Variants in PCDHGB2 observed in about 807,000 individuals in gnomAD.
PCDHGB2 encodes protocadherin gamma subfamily B, 2, also known as protocadherin gamma-B2.
In PCDHGB2, 55 loss-of-function variants were observed where a neutral mutation model predicts 59.3. The observed-to-expected ratio is 0.93, with a 90% confidence interval of 0.75 to 1.16. PCDHGB2 has a LOEUF of 1.16. PCDHGB2 is among the 50% of genes most tolerant of loss of function. The pLI is 0.00. For missense variants in PCDHGB2, 1,228 were observed against 1,198.5 expected, an observed-to-expected ratio of 1.02 and a Z score of -0.36; for synonymous variants, 516 against 512.0, an observed-to-expected ratio of 1.01 and a Z score of -0.11.
At position 141,432,816 on chromosome 5, in the gene PCDHGB2, C is replaced by A. The variant is rs778545682; in HGVS notation, c.2422-61991C>A. Reference sequence around the variant, plus strand: ...CTCGAGTCTCCAGCTAACTCTGAAACCTCAGACCTCACTCTGTACCTGGTG... The same window carrying A: ...CTCGAGTCTCCAGCTAACTCTGAAAACTCAGACCTCACTCTGTACCTGGTG... On this transcript the variant is annotated intron_variant, in intron 1 of 3. Transcript: ENST00000522605. The surrounding 1 kb of genome is among the most constrained non-coding windows in gnomAD (Gnocchi z 6.0). The A allele has an allele frequency of 7.6e-5, 122 of 1,614,044 alleles. No individual in the cohort carries two copies. The highest frequency in any genetic ancestry group is 3.3e-5 in the Admixed American group (2 of 60,012).
chr5:141,388,871 C>T, intron 1 of PCDHGB2: 2 of 1,613,930 alleles, frequency 1.2e-6, no homozygotes, highest in Non-Finnish European at 8.5e-7. Flanking sequence ...TTGCGCAATG[C>T]ACAGTGGAGG....
intron 1 of PCDHGB2, chr5:141,399,680 A>T: frequency 6.2e-7 from 1 of 1,613,514 alleles, no homozygotes; most frequent in Non-Finnish European, 8.5e-7. Context: ...GCCTTTGACT[A>T]CGAGCAGCTG....
chr5:141,453,288 A>ATTAT (rs577328880), intron 1 of PCDHGB2, among the ~76,000 whole-genome samples: 1,792 of 151,444 alleles, frequency 0.012, 41 homozygotes, highest in African/African-American at 0.034. Context: ...TAATTTTTTA[A>ATTAT]TTATTTATTT....
chr5:141,494,613 G>A (rs2099755672), intron 1 of PCDHGB2, among the ~76,000 whole-genome samples, 194 bp from the exon 2 acceptor site: 1 of 152,136 alleles, frequency 6.6e-6, no homozygotes, highest in Non-Finnish European at 1.5e-5. Context: ...TTATCTCTTG[G>A]TTTCTGGTAC....
Position 141,421,726 on chromosome 5 carries a change from T to G in PCDHGB2, c.2421+59170T>G. On this transcript the variant is annotated intron_variant, in intron 1 of 3. Transcript: ENST00000522605. The stretch of plus-strand genomic sequence containing the variant: ...TAGGGATCCAGATGTGGGCGTGAAC[T>G]CCCTCCAGAGCTACCAGCTCAGCCC... 1 of 1,613,928 alleles carries G rather than the reference T, an allele frequency of 6.2e-7. No homozygotes were observed. Among genetic ancestry groups the G allele is most frequent in the Non-Finnish European group, 8.5e-7 (1 of 1,179,852 alleles).
chr5:141,372,625 G>A (rs1768925620), intron 1 of PCDHGB2: 8 of 1,614,000 alleles, frequency 5.0e-6, no homozygotes, highest in Non-Finnish European at 6.8e-6. Flanking sequence ...CCCACCTACA[G>A]CGAAAGGACT....
Position 141,477,704 on chromosome 5 carries a change from C to T in PCDHGB2, c.2422-17103C>T, listed in dbSNP as rs772195653. 30 of 1,613,968 alleles carry T rather than the reference C, an allele frequency of 1.9e-5. No homozygotes were observed. Among genetic ancestry groups the T allele is most frequent in the Admixed American group, 6.7e-5 (4 of 60,026 alleles). On this transcript the variant is annotated intron_variant, in intron 1 of 3. Transcript: ENST00000522605. This position sits in a 1 kb window ranked among gnomAD's most constrained non-coding sequence, Gnocchi z 4.9. Reference sequence around the variant, plus strand: ...CTTAGTGCCCCTAGACTATGAGGATCGGCGGGAATTTGAATTAACAGCTCA... The same window carrying T: ...CTTAGTGCCCCTAGACTATGAGGATTGGCGGGAATTTGAATTAACAGCTCA...
In PCDHGB2 at chr5:141,477,013, T is replaced by A. The variant is rs1285961519; in HGVS notation, c.2422-17794T>A. On this transcript the variant is annotated intron_variant, in intron 1 of 3. Coordinates refer to ENST00000522605, the MANE Select transcript of PCDHGB2 (RefSeq NM_018923.3). This position sits in a 1 kb window ranked among gnomAD's most constrained non-coding sequence, Gnocchi z 4.9. ...TGCGGCAACTATTCGCCTTAGACCT[T>A]GTAACCGGGATGCTGACAATCAAGG... is the stretch of plus-strand genomic sequence containing the variant. 6.2e-7 allele frequency: 1 copy of A among 1,614,204 alleles called. No individual in the cohort carries two copies. The highest frequency in any genetic ancestry group is 2.2e-5 in the East Asian group (1 of 44,878).
intron 3 of PCDHGB2, among the ~76,000 whole-genome samples, chr5:141,506,700 G>GT (rs1446452157): frequency 2.0e-5 from 3 of 152,138 alleles, no homozygotes; most frequent in Admixed American, 1.3e-4. Context: ...ACCCAAACCC[G>GT]TTTTTTACTG....
intron 1 of PCDHGB2, chr5:141,374,262 C>T (rs369097101): frequency 6.2e-7 from 1 of 1,613,942 alleles, no homozygotes; most frequent in Non-Finnish European, 8.5e-7. Flanking sequence ...CAGGAGTTGG[C>T]GGAGCACGGA....
chr5:141,489,222 A>C lies in PCDHGB2; in HGVS notation c.2422-5585A>C. On this transcript the variant is annotated intron_variant, in intron 1 of 3. Coordinates refer to ENST00000522605, the MANE Select transcript of PCDHGB2 (RefSeq NM_018923.3). The surrounding 1 kb of genome is among the most constrained non-coding windows in gnomAD (Gnocchi z 4.5). ...ACAGGACAGCACAGACTTACTCTCC[A>C]CAAAGGGACTTCTGGGTCATGGGGC... 6.6e-7 allele frequency: 1 copy of C among 1,515,652 alleles called. No individual in the cohort carries two copies. Among genetic ancestry groups the C allele is most frequent in the Middle Eastern group, 1.8e-4 (1 of 5,598 alleles). 93.9% of individuals were successfully genotyped at this position (1,515,652 alleles called of 1,614,324 possible).
chr5:141,425,371 G>T (rs1396857898), intron 1 of PCDHGB2, among the ~76,000 whole-genome samples: 3 of 152,186 alleles, frequency 2.0e-5, no homozygotes, highest in African/African-American at 7.2e-5. Context: ...AGAGGGTTAT[G>T]TTGATTCGGA....
At chr5:141,375,629 G>T (rs567513392) in intron 1 of PCDHGB2, 4 of 1,614,074 alleles carry the variant, frequency 2.5e-6, no homozygotes, top group African/African-American at 1.3e-5. Context: ...GATTCTGTAC[G>T]CCCTGCGCTC....
chr5:141,395,403 A>C (rs1383871945), intron 1 of PCDHGB2: 7 of 849,376 alleles, frequency 8.2e-6, no homozygotes, highest in Non-Finnish European at 1.2e-5. Context: ...TCTAATAGTC[A>C]TAGGTTATTG....
Position 141,434,784 on chromosome 5 carries a change from AT to A in PCDHGB2, c.2422-60014del, listed in dbSNP as rs201914459. On this transcript the variant is annotated intron_variant, in intron 1 of 3. Transcript: ENST00000522605. The stretch of plus-strand genomic sequence containing the variant: ...ACTTCACACTTCTAAAAAAAAAAAA[AT>A]TTTTTTTTCTGAGCTTGGAGAAATA... Among the ~76,000 whole-genome samples the A allele has an allele frequency of 3.3e-4, 49 of 150,342 alleles. 1 individual carries two copies. Among genetic ancestry groups the A allele is most frequent in the Middle Eastern group, 3.4e-3 (1 of 290 alleles).
At chr5:141,496,602 C>A (rs981108050) in intron 2 of PCDHGB2, among the ~76,000 whole-genome samples, 5 of 152,150 alleles carry the variant, frequency 3.3e-5, no homozygotes, top group Admixed American at 1.3e-4. Flanking sequence ...TCTTAGAAGG[C>A]CCCTAAAAAG....
chr5:141,487,467 T>C lies in PCDHGB2; in HGVS notation c.2422-7340T>C. ...GATGACCCTATCAAGTTTGTTGATG[T>C]GGGAGGCCACTCTCATGGCTGTACA... On this transcript the variant is annotated intron_variant, in intron 1 of 3. Transcript: ENST00000522605. The surrounding 1 kb of genome is among the most constrained non-coding windows in gnomAD (Gnocchi z 5.0). 6.2e-7 allele frequency: 1 copy of C among 1,614,186 alleles called. No individual in the cohort carries two copies. The highest frequency in any genetic ancestry group is 8.5e-7 in the Non-Finnish European group (1 of 1,180,026).
chr5:141,478,109 T>C, intron 1 of PCDHGB2: 1 of 1,614,086 alleles, frequency 6.2e-7, no homozygotes, highest in Non-Finnish European at 8.5e-7. Context: ...CCTCACTGTG[T>C]CAGTAACCGA....
At chr5:141,405,632 G>A (rs1487962714) in intron 1 of PCDHGB2, 9 of 530,162 alleles carry the variant, frequency 1.7e-5, no homozygotes, top group African/African-American at 1.2e-4. Flanking sequence ...GTGCCACCAC[G>A]CCCGGCTAAT....
Sources: gnomAD v4.1 joint callset for allele counts (sites outside exome capture counted in the v4.1 genomes callset) on GRCh38, gnomAD v4.1.1 for gene constraint, Gnocchi (gnomAD v3.1) non-coding constraint, MANE v1.5 for transcripts, NCBI Gene and HGNC (gene_info 2026-07-23, HGNC 2026-07-21) for gene names.